NEURL1: variants seen among roughly 807,000 people sequenced by gnomAD.
The protein encoded by NEURL1 is E3 ubiquitin-protein ligase NEURL1.
Under a neutral mutation model 41.2 loss-of-function variants are expected in NEURL1, and 26 were observed. The ratio of observed to expected loss-of-function variants is 0.63; its 90% confidence interval spans 0.46 to 0.87. The LOEUF is 0.87. Ranked by LOEUF, NEURL1 falls within the 40% of genes least tolerant of loss-of-function variation. The pLI, the probability that NEURL1 is intolerant of heterozygous loss-of-function variation, is 0.00. For synonymous variants in NEURL1, 400 were observed against 402.3 expected (o/e 0.99, Z 0.07); for missense variants, 761 against 871.1 (o/e 0.87, Z 1.59).
intron 3 of NEURL1, among the ~76,000 whole-genome samples, chr10:103,578,391 C>A (rs984353984): frequency 1.3e-4 from 20 of 152,190 alleles, no homozygotes; most frequent in Non-Finnish European, 2.8e-4. Context: ...GAAAACCATG[C>A]AATCGAAATT....
chr10:103,516,399 G>T (rs987218661), intron 1 of NEURL1, among the ~76,000 whole-genome samples: 25 of 151,014 alleles, frequency 1.7e-4, no homozygotes, highest in Non-Finnish European at 3.0e-4. Context: ...CAGAAGGCGG[G>T]GGTTGGAGGG....
intron 1 of NEURL1, among the ~76,000 whole-genome samples, chr10:103,553,747 G>A (rs577681377): frequency 3.3e-5 from 5 of 152,190 alleles, no homozygotes; most frequent in Admixed American, 2.6e-4. Flanking sequence ...CACCTTTCCC[G>A]TGGCCCCTTC....
At position 103,535,179 on chromosome 10, in the gene NEURL1, G is replaced by T. The variant is rs148966472; in HGVS notation, c.86-35693G>T. ...CAGCAGCAGCAAGTATCCCAGAAAGGTGGGGCACAGCTGTTGTTTGGGCAC... is the reference window on the plus strand; with the variant it reads ...CAGCAGCAGCAAGTATCCCAGAAAGTTGGGGCACAGCTGTTGTTTGGGCAC... On this transcript the variant is annotated intron_variant, in intron 1 of 5. Transcript: ENST00000369780. Among the ~76,000 whole-genome samples the T allele has an allele frequency of 4.4e-3, 663 of 152,262 alleles. 5 individuals are homozygous for T. Among genetic ancestry groups the T allele is most frequent in the African/African-American group, 0.015 (619 of 41,536 alleles).
At chr10:103,506,302 CCT>C (rs2033944777) in intron 1 of NEURL1, among the ~76,000 whole-genome samples, 1 of 152,046 alleles carries the variant, frequency 6.6e-6, no homozygotes, top group Non-Finnish European at 1.5e-5. Context: ...TCCAGGTGCC[CCT>C]GAGAGGGAGG....
At chr10:103,568,392 G>A (rs764630439) in intron 1 of NEURL1, among the ~76,000 whole-genome samples, 5 of 152,156 alleles carry the variant, frequency 3.3e-5, no homozygotes, top group Non-Finnish European at 4.4e-5. Context: ...GCCCCAGGAC[G>A]TCAAGCAGGA....
intron 1 of NEURL1, among the ~76,000 whole-genome samples, chr10:103,506,655 G>A (rs10883878): frequency 0.19 from 28,060 of 151,426 alleles, 2,902 homozygotes; most frequent in South Asian, 0.32. Context: ...CACCTCCCGG[G>A]TTCAAGCGAT....
chr10:103,529,172 T>C (rs1331403229), intron 1 of NEURL1, among the ~76,000 whole-genome samples: 1 of 152,226 alleles, frequency 6.6e-6, no homozygotes, highest in Non-Finnish European at 1.5e-5. Flanking sequence ...AAAATAAGCT[T>C]TAGTCTTATT....
chr10:103,555,211 AG>A, intron 1 of NEURL1: 1 of 589,364 alleles, frequency 1.7e-6, no homozygotes, highest in Non-Finnish European at 1.9e-6. Flanking sequence ...CGTGTGCCGG[AG>A]GGGGCGCGTG....
In NEURL1 at chr10:103,494,327, C is replaced by G; in HGVS notation, c.-61C>G. On this transcript the variant is annotated 5_prime_UTR_variant, in exon 1 of 6. Coordinates refer to ENST00000369780, the MANE Select transcript of NEURL1 (RefSeq NM_004210.5). The stretch of plus-strand genomic sequence containing the variant: ...GCGCGCGCACACTCGCACACCGCAC[C>G]TCAGCGCCTGCCCGGCCTCGCCCCC... The G allele has an allele frequency of 6.9e-7, 1 of 1,444,304 alleles. No individual in the cohort carries two copies. The highest frequency in any genetic ancestry group is 9.5e-7 in the Non-Finnish European group (1 of 1,055,634). The allele number at this position is 1,444,304 out of a possible 1,614,324, so 89.5% of individuals were successfully genotyped here.
intron 1 of NEURL1, among the ~76,000 whole-genome samples, chr10:103,504,485 A>G (rs2033901974): frequency 1.3e-5 from 2 of 152,208 alleles, no homozygotes; most frequent in South Asian, 4.2e-4. Context: ...CCACAGAGGT[A>G]AAGTGCCATT....
At chr10:103,583,687 CAG>C (rs2035831595) in intron 3 of NEURL1, among the ~76,000 whole-genome samples, 1 of 101,692 alleles carries the variant, frequency 9.8e-6, no homozygotes, top group Admixed American at 1.6e-4. Context: ...GCCTGGGCCA[CAG>C]AGCAAGATCC....
At chr10:103,543,383 G>C (rs1256580736) in intron 1 of NEURL1, among the ~76,000 whole-genome samples, 3 of 152,214 alleles carry the variant, frequency 2.0e-5, no homozygotes, top group African/African-American at 7.2e-5. Context: ...GTCACGGCCA[G>C]GCAATCTGTC....
In NEURL1 at chr10:103,585,171, C is replaced by A. The variant is rs2035890974; in HGVS notation, c.1285C>A (p.Pro429Thr). ...GMQLCVDASQ[P>T]LWMLFGLHGT... is the part of the protein sequence containing the mutation. The stretch of plus-strand genomic sequence containing the variant: ...GCAGCTGTGCGTGGACGCCTCGCAG[C>A]CGCTTTGGATGCTCTTCGGCCTGCA... The change falls in exon 4 of 6, where the codon CCG becomes ACG. Residue 429 changes from proline (P) to threonine (T), a missense_variant. By Grantham distance (38) the Pro-to-Thr change is conservative. This residue lies in a region of NEURL1 where 443 missense variants were observed against 408.1 expected (regional missense o/e 1.09). Transcript: ENST00000369780. 1 of 1,588,366 alleles carries A rather than the reference C, an allele frequency of 6.3e-7. No homozygotes were observed. Among genetic ancestry groups the A allele is most frequent in the Non-Finnish European group, 8.5e-7 (1 of 1,172,720 alleles).
At chr10:103,555,234 G>C in intron 1 of NEURL1, 1 of 898,344 alleles carries the variant, frequency 1.1e-6, no homozygotes, top group Non-Finnish European at 1.3e-6. Flanking sequence ...GGGCGCGTGG[G>C]GGCGCGGGAG....
chr10:103,535,070 C>T (rs2034662399), intron 1 of NEURL1, among the ~76,000 whole-genome samples: 1 of 152,112 alleles, frequency 6.6e-6, no homozygotes, highest in African/African-American at 2.4e-5. Context: ...ACTCAGATCC[C>T]AGGGGATGAG....
chr10:103,512,009 C>G (rs1166155286), intron 1 of NEURL1: 1 of 152,250 alleles, frequency 6.6e-6, no homozygotes, highest in Non-Finnish European at 1.5e-5. Context: ...GGAGCCCAGA[C>G]AAGAGCAAGA....
At chr10:103,553,181 G>T (rs1487570942) in intron 1 of NEURL1, among the ~76,000 whole-genome samples, 1 of 152,224 alleles carries the variant, frequency 6.6e-6, no homozygotes, top group Non-Finnish European at 1.5e-5. Context: ...TTCCTCATCT[G>T]TAAAATGGGC....
rs368957139 is a variant in NEURL1 at position 103,588,179 on chromosome 10, G to A, written c.1340-1335G>A. Among the ~76,000 whole-genome samples, 16 of 152,032 alleles carry A rather than the reference G, an allele frequency of 1.1e-4. No individual in the cohort carries two copies. In the East Asian group the frequency reaches 1.5e-3, roughly 15 times the overall value. On this transcript the variant is annotated intron_variant, in intron 4 of 5. Transcript: ENST00000369780. ...AAATTAGCTGGGCCTGGTGGCAGGC[G>A]CCTGTAGTCCCAGCTACTCAGGAGG...
chr10:103,494,095 G>T lies in NEURL1; in HGVS notation c.-293G>T. 3.4e-6 allele frequency: 1 copy of T among 292,160 alleles called. No homozygotes were observed. Among genetic ancestry groups the T allele is most frequent in the Non-Finnish European group, 6.3e-6 (1 of 158,074 alleles). The allele number at this position is 292,160 out of a possible 1,614,324, so 18.1% of individuals were successfully genotyped here. ...CCCGGGGAGCAAGCGGGGAGCCCCG[G>T]GCGTCCCCGGCCCCGGCCCAGGGCC... On this transcript the variant is annotated 5_prime_UTR_variant, in exon 1 of 6. Coordinates refer to ENST00000369780, the MANE Select transcript of NEURL1 (RefSeq NM_004210.5).
Sources: gnomAD v4.1 joint callset for allele counts (sites outside exome capture counted in the v4.1 genomes callset) on GRCh38, gnomAD v4.1.1 for gene constraint, gnomAD v4.1.1 regional missense constraint, MANE v1.5 for transcripts, NCBI Gene and HGNC (gene_info 2026-07-23, HGNC 2026-07-21) for gene names.